PMM2: variants seen among roughly 807,000 people sequenced by gnomAD.
PMM2 encodes mannose-6-phosphate isomerase.
Under a neutral mutation model 33.2 loss-of-function variants are expected in PMM2, and 35 were observed. That is an observed-to-expected ratio of 1.06 (90% CI 0.81 to 1.40). The LOEUF (loss-of-function observed/expected upper bound fraction) is 1.40. PMM2 is among the 40% of genes most tolerant of loss of function. The probability of loss-of-function intolerance (pLI) is 0.00; values close to 1 mark genes in which losing one functional copy is unlikely to be tolerated. For missense variants in PMM2, 386 were observed against 306.0 expected, an observed-to-expected ratio of 1.26 and a Z score of -1.95; for synonymous variants, 153 against 114.7, an observed-to-expected ratio of 1.33 and a Z score of -2.13.
At chr16:8,798,195 A>G (rs2060590712) in intron 1 of PMM2, among the ~76,000 whole-genome samples, 1 of 152,218 alleles carries the variant, frequency 6.6e-6, no homozygotes, top group African/African-American at 2.4e-5. Context: ...AACTTGTGCT[A>G]GGTTGGAAAA....
chr16:8,824,778 A>T (rs968313060), intron 7 of PMM2, among the ~76,000 whole-genome samples: 1 of 152,190 alleles, frequency 6.6e-6, no homozygotes, highest in African/African-American at 2.4e-5. Context: ...AGCCACAATG[A>T]TAACTCAAAC....
intron 7 of PMM2, among the ~76,000 whole-genome samples, chr16:8,827,695 C>A (rs1264562793): frequency 4.1e-5 from 5 of 123,136 alleles, no homozygotes; most frequent in Non-Finnish European, 8.1e-5. Context: ...TGCACCCAGC[C>A]CACAAAGGCC....
At chr16:8,799,379 G>A (rs953778279) in intron 1 of PMM2, among the ~76,000 whole-genome samples, 33 of 152,092 alleles carry the variant, frequency 2.2e-4, no homozygotes, top group African/African-American at 7.0e-4. Flanking sequence ...ACTCAGTGAA[G>A]AACTAACCTC....
At chr16:8,834,107 T>C (rs1189664446) in intron 7 of PMM2, among the ~76,000 whole-genome samples, 3 of 152,234 alleles carry the variant, frequency 2.0e-5, no homozygotes, top group African/African-American at 7.2e-5. Context: ...GGAGCGTCTA[T>C]ACAGGAGCTT....
In PMM2 at chr16:8,801,855, C is replaced by G. The variant is rs751463681; in HGVS notation, c.123C>G (p.Ile41Met). 1 of 1,612,364 alleles carries G rather than the reference C, an allele frequency of 6.2e-7. No homozygotes were observed. Among genetic ancestry groups the G allele is most frequent in the Admixed American group, 1.7e-5 (1 of 59,986 alleles). Residue 41 changes from isoleucine to methionine, a missense_variant, in exon 2 of 8, where the codon ATC becomes ATG. By Grantham distance (10) the Ile-to-Met change is conservative (BLOSUM62 1). Transcript: ENST00000268261. ...FLQKLRQKIK[I>M]GVVGGSDFEK... ...AAAAATTGAGGCAGAAGATCAAAAT[C>G]GGAGTGGTAGGCGGATCGGACTTTG... is the stretch of plus-strand genomic sequence containing the variant.
intron 7 of PMM2, among the ~76,000 whole-genome samples, chr16:8,838,526 A>G (rs1433514509): frequency 1.3e-5 from 2 of 151,772 alleles, no homozygotes; most frequent in East Asian, 3.9e-4. Context: ...AAGCGGGATT[A>G]GGGGCGGCGT....
At chr16:8,835,778 T>C (rs568826387) in intron 7 of PMM2, among the ~76,000 whole-genome samples, 7 of 151,326 alleles carry the variant, frequency 4.6e-5, no homozygotes, top group African/African-American at 9.7e-5. Flanking sequence ...GGACATTGAG[T>C]GGGGTAAGGG....
At chr16:8,843,920 C>T (rs184444227) in intron 7 of PMM2, among the ~76,000 whole-genome samples, 1 of 151,996 alleles carries the variant, frequency 6.6e-6, no homozygotes, top group Non-Finnish European at 1.5e-5. Flanking sequence ...AAAGACTCAG[C>T]AACGCTTGGG....
intron 1 of PMM2, among the ~76,000 whole-genome samples, chr16:8,800,073 A>G (rs2060604234): frequency 6.6e-6 from 1 of 152,194 alleles, no homozygotes; most frequent in African/African-American, 2.4e-5. Context: ...GTAAAAAGAT[A>G]TTCAGCCGGG....
At chr16:8,828,423 A>G (rs1293224706) in intron 7 of PMM2, among the ~76,000 whole-genome samples, 1 of 152,148 alleles carries the variant, frequency 6.6e-6, no homozygotes, top group East Asian at 1.9e-4. Context: ...GTGAAATAGC[A>G]AAGCTTCAGC....
At chr16:8,811,775 C>A in intron 6 of PMM2, 62 bp downstream of exon 6, 1 of 1,088,458 alleles carries the variant, frequency 9.2e-7, no homozygotes, top group Non-Finnish European at 1.4e-6. Context: ...TTGTTGTGGG[C>A]CAGTGAGCTA....
At chr16:8,843,012 G>A (rs2060900518) in intron 7 of PMM2, among the ~76,000 whole-genome samples, 1 of 152,278 alleles carries the variant, frequency 6.6e-6, no homozygotes, top group Admixed American at 6.5e-5. Flanking sequence ...AGATGCGGCT[G>A]TAGTCCAGGA....
chr16:8,800,121 G>A (rs1389382410), intron 1 of PMM2, among the ~76,000 whole-genome samples: 1 of 152,138 alleles, frequency 6.6e-6, no homozygotes, highest in Non-Finnish European at 1.5e-5. Context: ...CACTTGGGGA[G>A]GCTGAGGCGG....
chr16:8,836,697 G>T (rs991405044), intron 7 of PMM2, among the ~76,000 whole-genome samples: 15 of 151,930 alleles, frequency 9.9e-5, no homozygotes, highest in Non-Finnish European at 1.5e-4. Flanking sequence ...ATTTAATGTC[G>T]GGAGCAGATT....
chr16:8,821,543 C>G (rs2060739533), intron 7 of PMM2, among the ~76,000 whole-genome samples: 1 of 152,210 alleles, frequency 6.6e-6, no homozygotes, highest in Non-Finnish European at 1.5e-5. Flanking sequence ...TCCAGGGAGC[C>G]CCTTGATGTC....
At position 8,848,077 on chromosome 16, in the gene PMM2, C is replaced by A. The variant is rs2075828; in HGVS notation, c.*252C>A. Reference sequence around the variant, plus strand: ...GGTCTTCCCCACCCACCCCCAGCCCCCTAGTCTAATACCCACCCTGATACG... The same window carrying A: ...GGTCTTCCCCACCCACCCCCAGCCCACTAGTCTAATACCCACCCTGATACG... On this transcript the variant is annotated 3_prime_UTR_variant, in exon 8 of 8. Coordinates refer to ENST00000268261, the MANE Select transcript of PMM2 (RefSeq NM_000303.3). 0.44 allele frequency: 226,092 copies of A among 509,568 alleles called. 51,315 individuals are homozygous for A. Among genetic ancestry groups the A allele is most frequent in the Non-Finnish European group, 0.47 (131,438 of 279,316 alleles). The allele number at this position is 509,568 out of a possible 1,614,324, so 31.6% of individuals were successfully genotyped here.
At chr16:8,823,821 G>A (rs2060751337) in intron 7 of PMM2, among the ~76,000 whole-genome samples, 1 of 152,112 alleles carries the variant, frequency 6.6e-6, no homozygotes, top group Non-Finnish European at 1.5e-5. Flanking sequence ...CCCCGTACAG[G>A]GACTGTGTAG....
rs886052460 is a variant in PMM2 at position 8,848,190 on chromosome 16, G to T, written c.*365G>T. On this transcript the variant is annotated 3_prime_UTR_variant, in exon 8 of 8. Transcript: ENST00000268261. ...TGTGCCTGGACCCTCCCTCTTGGTG[G>T]GTCTGTGGAAACATAAGCGGTTTTT... 2.6e-5 allele frequency: 7 copies of T among 265,090 alleles called. No individual in the cohort carries two copies. 16.4% of individuals were successfully genotyped at this position (265,090 alleles called of 1,614,324 possible).
chr16:8,824,357 C>G (rs1295297175), intron 7 of PMM2, among the ~76,000 whole-genome samples: 2 of 152,146 alleles, frequency 1.3e-5, no homozygotes, highest in African/African-American at 2.4e-5. Flanking sequence ...ACCAAGACAG[C>G]AACTGCCTGT....
Sources: gnomAD v4.1 joint callset for allele counts (sites outside exome capture counted in the v4.1 genomes callset) on GRCh38, gnomAD v4.1.1 for gene constraint, MANE v1.5 for transcripts, NCBI Gene and HGNC (gene_info 2026-07-23, HGNC 2026-07-21) for gene names.